ZFHX3: variants seen among roughly 807,000 people sequenced by gnomAD.
The protein encoded by ZFHX3 is zinc finger homeobox protein 3.
ZFHX3 carries 42 observed loss-of-function variants against 279.1 expected under a neutral mutation model. The observed-to-expected ratio is 0.15, with a 90% confidence interval of 0.12 to 0.19. ZFHX3 has a LOEUF of 0.19. Ranked by LOEUF, ZFHX3 falls within the 10% of genes least tolerant of loss-of-function variation. The pLI is 1.00. For synonymous variants in ZFHX3, 2,293 were observed against 1,957.8 expected (o/e 1.17, Z -4.52); for missense variants, 4,981 against 4,754.0 (o/e 1.05, Z -1.40).
At chr16:73,164,149 C>G (rs1967305979) in intron 5 of ZFHX3, among the ~76,000 whole-genome samples, 2 of 152,180 alleles carry the variant, frequency 1.3e-5, no homozygotes, top group Non-Finnish European at 2.9e-5. Flanking sequence ...AAATTTGAAA[C>G]TAAATCCTTT....
intron 2 of ZFHX3, among the ~76,000 whole-genome samples, chr16:73,522,166 T>G (rs2019618576): frequency 6.6e-6 from 1 of 152,196 alleles, no homozygotes; most frequent in Non-Finnish European, 1.5e-5. Flanking sequence ...AAATACCAGA[T>G]TTTAAAAAAT....
chr16:73,534,778 T>G (rs774309405), intron 2 of ZFHX3, among the ~76,000 whole-genome samples: 6 of 152,234 alleles, frequency 3.9e-5, no homozygotes, highest in Non-Finnish European at 8.8e-5. Flanking sequence ...GAGTCTTTCT[T>G]GTGGCATTTT....
intron 8 of ZFHX3, among the ~76,000 whole-genome samples, chr16:73,067,294 C>T (rs185774283): frequency 6.6e-6 from 1 of 152,176 alleles, no homozygotes; most frequent in Non-Finnish European, 1.5e-5. Flanking sequence ...ACTTAAGCCC[C>T]GACAGTTGAA....
intron 2 of ZFHX3, chr16:73,487,337 T>C (rs2143639649): frequency 2.9e-6 from 1 of 347,858 alleles, no homozygotes; most frequent in South Asian, 2.3e-5. Context: ...TCTGAACCCA[T>C]CTCAGGAGGA....
At chr16:73,854,152 G>A (rs189553476) in intron 1 of ZFHX3, among the ~76,000 whole-genome samples, 128 of 152,272 alleles carry the variant, frequency 8.4e-4, no homozygotes, top group Non-Finnish European at 1.6e-3. Context: ...GGTGGTGTCA[G>A]GGCAAACCTA....
At chr16:73,137,943 CTT>C (rs1438160035) in intron 6 of ZFHX3, among the ~76,000 whole-genome samples, 1 of 152,110 alleles carries the variant, frequency 6.6e-6, no homozygotes, top group African/African-American at 2.4e-5. Context: ...CTTGCTATGA[CTT>C]TGCCGACAGA....
chr16:73,474,575 G>C (rs2018732581), intron 2 of ZFHX3, among the ~76,000 whole-genome samples: 1 of 152,172 alleles, frequency 6.6e-6, no homozygotes, highest in Admixed American at 6.5e-5. Context: ...TGGCAGTGGA[G>C]GCAGCAGCTT....
At chr16:72,941,156 A>G (rs1489248815) in intron 3 of ZFHX3, among the ~76,000 whole-genome samples, 1 of 152,250 alleles carries the variant, frequency 6.6e-6, no homozygotes, top group East Asian at 1.9e-4. Context: ...GCATTTCAAT[A>G]AAAGGGACTC....
intron 1 of ZFHX3, among the ~76,000 whole-genome samples, chr16:73,682,980 AAG>A (rs1297935989): frequency 2.1e-5 from 1 of 47,242 alleles, no homozygotes; most frequent in South Asian, 7.7e-4. Flanking sequence ...GAAAGAAAGA[AAG>A]AAAGAAAGAA....
At chr16:73,759,296 C>A (rs982929939) in intron 1 of ZFHX3, among the ~76,000 whole-genome samples, 2 of 152,186 alleles carry the variant, frequency 1.3e-5, no homozygotes, top group Non-Finnish European at 2.9e-5. Context: ...CTTCTACCTG[C>A]ACCATCACAT....
At chr16:73,558,814 G>C (rs1010288018) in intron 2 of ZFHX3, among the ~76,000 whole-genome samples, 1 of 150,634 alleles carries the variant, frequency 6.6e-6, no homozygotes, top group African/African-American at 2.4e-5. Flanking sequence ...CTGGGTTCAG[G>C]TGATTCTCCT....
chr16:73,757,507 G>A (rs575461496), intron 1 of ZFHX3, among the ~76,000 whole-genome samples: 4 of 152,232 alleles, frequency 2.6e-5, no homozygotes, highest in Non-Finnish European at 5.9e-5. Flanking sequence ...CTCCCCATGA[G>A]GACAGTAGGG....
intron 1 of ZFHX3, among the ~76,000 whole-genome samples, chr16:73,842,085 G>A (rs754489636): frequency 2.6e-5 from 4 of 151,620 alleles, no homozygotes; most frequent in Admixed American, 6.6e-5. Flanking sequence ...GCATGGTGGC[G>A]CACGCCTGTA....
chr16:73,443,777 G>A (rs868059286), intron 3 of ZFHX3, among the ~76,000 whole-genome samples: 6 of 151,780 alleles, frequency 4.0e-5, no homozygotes, highest in Middle Eastern at 3.4e-3. Flanking sequence ...TTTTTTTGGA[G>A]ACAGTCTAGC....
At chr16:73,693,916 C>G (rs2053171781) in intron 1 of ZFHX3, among the ~76,000 whole-genome samples, 1 of 151,842 alleles carries the variant, frequency 6.6e-6, no homozygotes, top group Non-Finnish European at 1.5e-5. Context: ...GAACTAGTAC[C>G]AAAATAAGCT....
chr16:73,058,734 G>C (rs1434183839), exon 1 of ZFHX3: 1 of 157,692 alleles, frequency 6.3e-6, no homozygotes, highest in East Asian at 1.8e-4. Context: ...GGCGGAGCTG[G>C]AGCGCGCTCG....
At position 73,127,422 on chromosome 16, in the gene ZFHX3, C is replaced by A. The variant is rs1267474942; in HGVS notation, c.-897+3546G>T. On this transcript the variant is annotated intron_variant, in intron 7 of 17. Transcript: ENST00000641206. ...GGGCCAGAGCCTTCCCAGGTAGTAG[C>A]TGGAGCATCTCTGTTCCGGAACTGA... 4 of 1,305,404 alleles carry A rather than the reference C, an allele frequency of 3.1e-6. No individual in the cohort carries two copies. In the South Asian group the frequency reaches 3.7e-5, roughly 12 times the overall value. The allele number at this position is 1,305,404 out of a possible 1,614,324, so 80.9% of individuals were successfully genotyped here.
intron 3 of ZFHX3, among the ~76,000 whole-genome samples, chr16:72,915,709 G>A (rs2039426461): frequency 6.6e-6 from 1 of 151,982 alleles, no homozygotes; most frequent in Non-Finnish European, 1.5e-5. Context: ...GCTCCAGTGA[G>A]CCGTGTTTGT....
At chr16:73,842,313 G>A (rs527719221) in intron 1 of ZFHX3, among the ~76,000 whole-genome samples, 142 of 152,196 alleles carry the variant, frequency 9.3e-4, no homozygotes, top group African/African-American at 3.2e-3. Flanking sequence ...AGGGGAAATG[G>A]TGGCTGAGAA....
Sources: gnomAD v4.1 joint callset for allele counts (sites outside exome capture counted in the v4.1 genomes callset) on GRCh38, gnomAD v4.1.1 for gene constraint, MANE v1.5 for transcripts, NCBI Gene and HGNC (gene_info 2026-07-23, HGNC 2026-07-21) for gene names.